Variants in NFIC observed in about 807,000 individuals in gnomAD.
NFIC encodes nuclear factor I C, also known as nuclear factor 1 C-type.
NFIC carries 12 observed loss-of-function variants against 54.4 expected under a neutral mutation model. The ratio of observed to expected loss-of-function variants is 0.22; its 90% CI spans 0.14 to 0.36. NFIC has a LOEUF of 0.36. Among genes scored for constraint, NFIC ranks in the 10% least tolerant of loss-of-function variants. NFIC has a pLI of 1.00. For missense variants in NFIC, 575 were observed against 718.2 expected (o/e 0.80, Z 2.28); for synonymous variants, 322 against 319.2 (o/e 1.01, Z -0.09).
chr19:3,419,209 A>G (rs574532809), intron 2 of NFIC, among the ~76,000 whole-genome samples: 16 of 152,276 alleles, frequency 1.1e-4, no homozygotes, highest in South Asian at 2.1e-4. Flanking sequence ...CTGTGCATGG[A>G]AAGTTGGTTC....
chr19:3,446,632 CG>C (rs2082377630), intron 6 of NFIC, among the ~76,000 whole-genome samples: 1 of 152,198 alleles, frequency 6.6e-6, no homozygotes. Flanking sequence ...TCTAAAAATT[CG>C]GCTCCCCAGG....
At chr19:3,397,905 G>C (rs1421648103) in intron 2 of NFIC, among the ~76,000 whole-genome samples, 1 of 152,220 alleles carries the variant, frequency 6.6e-6, no homozygotes, top group Non-Finnish European at 1.5e-5. Context: ...GTGGCTTGGG[G>C]GAGGCCTGTC....
At chr19:3,404,136 C>T (rs1257248822) in intron 2 of NFIC, among the ~76,000 whole-genome samples, 5 of 152,036 alleles carry the variant, frequency 3.3e-5, no homozygotes, top group Admixed American at 2.6e-4. Context: ...GCCTGCCCTT[C>T]TCCCCCCCCC....
chr19:3,416,363 A>G (rs2081854576), intron 2 of NFIC, among the ~76,000 whole-genome samples: 1 of 149,830 alleles, frequency 6.7e-6, no homozygotes, highest in African/African-American at 2.4e-5. Context: ...TATATGTCAT[A>G]TAGATAGGTA....
At chr19:3,411,673 C>G (rs920670908) in intron 2 of NFIC, among the ~76,000 whole-genome samples, 6 of 152,094 alleles carry the variant, frequency 3.9e-5, no homozygotes, top group Admixed American at 3.9e-4. Context: ...GAAAACTCCT[C>G]AGTGATGCTG....
chr19:3,415,062 A>C (rs2081831191), intron 2 of NFIC, among the ~76,000 whole-genome samples: 1 of 151,924 alleles, frequency 6.6e-6, no homozygotes, highest in African/African-American at 2.4e-5. Flanking sequence ...CTGGTCTGGA[A>C]ATGCTGATCT....
intron 1 of NFIC, among the ~76,000 whole-genome samples, chr19:3,379,056 T>TTTTTTTG (rs1421136135): frequency 2.0e-5 from 3 of 152,080 alleles, no homozygotes; most frequent in Non-Finnish European, 4.4e-5. Flanking sequence ...TCATTTTTTG[T>TTTTTTTG]TTTTTTGTTT....
At chr19:3,424,682 C>T (rs979367757) in intron 2 of NFIC, among the ~76,000 whole-genome samples, 1 of 152,206 alleles carries the variant, frequency 6.6e-6, no homozygotes, top group African/African-American at 2.4e-5. Flanking sequence ...CGTGCCCGGC[C>T]TGAACTTCAT....
upstream of NFIC, among the ~76,000 whole-genome samples, chr19:3,363,843 G>C (rs999007155): frequency 5.9e-5 from 9 of 152,218 alleles, no homozygotes; most frequent in Non-Finnish European, 1.3e-4. Context: ...GCACCCTGCA[G>C]GGCCCAGGAC....
chr19:3,377,764 A>G (rs1274002800), intron 1 of NFIC, among the ~76,000 whole-genome samples: 2 of 152,016 alleles, frequency 1.3e-5, no homozygotes, highest in Non-Finnish European at 2.9e-5. Flanking sequence ...GGTGTGCGCC[A>G]CAGCAACTAT....
rs536886684 is a variant in NFIC at position 3,394,238 on chromosome 19, G to A, written c.562+11995G>A. On this transcript the variant is annotated intron_variant, in intron 2 of 10. Transcript: ENST00000443272. ...TCACGCCTGGAATCCCAGCCCTTTGGGAGGCTGAGGTGGGAGGATCACTTG... is the reference window on the plus strand; with the variant it reads ...TCACGCCTGGAATCCCAGCCCTTTGAGAGGCTGAGGTGGGAGGATCACTTG... 2.6e-5 allele frequency among the ~76,000 whole-genome samples: 4 copies of A among 152,170 alleles called. No homozygotes were observed. In the East Asian group the frequency reaches 7.8e-4, roughly 30 times the overall value.
chr19:3,451,632 TAA>T (rs542068323), intron 7 of NFIC, among the ~76,000 whole-genome samples: 32 of 131,438 alleles, frequency 2.4e-4, no homozygotes, highest in African/African-American at 4.2e-4. Flanking sequence ...TTCTATCTCT[TAA>T]AAAAAAAAAA....
rs568015566 is a variant in NFIC at position 3,375,750 on chromosome 19, C to T, written c.31-5962C>T. On this transcript the variant is annotated intron_variant, in intron 1 of 10. Coordinates refer to ENST00000443272, the MANE Select transcript of NFIC (RefSeq NM_001245002.2). The surrounding 1 kb of genome is among the most constrained non-coding windows in gnomAD (Gnocchi z 4.6). ...AAATCTGATGTCCTGCCCCTCCCCC[C>T]GAAGCACCCCACGGCCGGAGGTGGC... is the stretch of plus-strand genomic sequence containing the variant. 7.2e-5 allele frequency among the ~76,000 whole-genome samples: 11 copies of T among 152,286 alleles called. No homozygotes were observed. Among genetic ancestry groups the T allele is most frequent in the African/African-American group, 1.4e-4 (6 of 41,550 alleles).
intron 1 of NFIC, among the ~76,000 whole-genome samples, chr19:3,379,673 C>CTT (rs370082450): frequency 0.034 from 3,505 of 102,140 alleles, 296 homozygotes; most frequent in African/African-American, 0.11. Flanking sequence ...TTATTTCTTT[C>CTT]TTTTTTTTTT....
chr19:3,463,614 G>GGCCCCCCC lies in NFIC; in HGVS notation c.*845_*846insGCCCCCCC. 3 of 959,074 alleles carry GGCCCCCCC rather than the reference G, an allele frequency of 3.1e-6. No homozygotes were observed. Among genetic ancestry groups the GGCCCCCCC allele is most frequent in the Non-Finnish European group, 3.7e-6 (3 of 807,816 alleles). 59.4% of individuals were successfully genotyped at this position (959,074 alleles called of 1,614,324 possible). A position where few individuals can be genotyped will look rare whatever the true frequency, so the allele number is the denominator to read the frequency against. On this transcript the variant is annotated 3_prime_UTR_variant, in exon 11 of 11. Transcript: ENST00000443272. ...GGGAGGAGAAGTCTCTATGCAATTG[G>GGCCCCCCC]CCCCGGCCCCTCCACCCCCCACCCC...
At chr19:3,378,042 C>G (rs1258223744) in intron 1 of NFIC, among the ~76,000 whole-genome samples, 1 of 151,774 alleles carries the variant, frequency 6.6e-6, no homozygotes, top group Non-Finnish European at 1.5e-5. Context: ...GTCAGGAGTT[C>G]AAGACCAGCC....
intron 7 of NFIC, among the ~76,000 whole-genome samples, chr19:3,449,385 CTT>C (rs1399056399): frequency 1.3e-5 from 2 of 152,118 alleles, no homozygotes; most frequent in Non-Finnish European, 2.9e-5. Context: ...TGCAACCTAA[CTT>C]CACCTCACTC....
intron 4 of NFIC, 107 bp downstream of exon 4, chr19:3,433,699 CCCT>C (rs756382116): frequency 3.3e-5 from 41 of 1,231,182 alleles, no homozygotes; most frequent in Non-Finnish European, 4.5e-5. Context: ...CCAGACAACC[CCCT>C]GTGTCACTAA....
Position 3,459,405 on chromosome 19 carries a change from G to T in NFIC, c.1509+2770G>T, listed in dbSNP as rs748841882. 6.6e-6 allele frequency among the ~76,000 whole-genome samples: 1 copy of T among 151,972 alleles called. No homozygotes were observed. Among genetic ancestry groups the T allele is most frequent in the African/African-American group, 2.4e-5 (1 of 41,378 alleles). On this transcript the variant is annotated intron_variant, in intron 10 of 10. Coordinates refer to ENST00000443272, the MANE Select transcript of NFIC (RefSeq NM_001245002.2). The surrounding 1 kb of genome is among the most constrained non-coding windows in gnomAD (Gnocchi z 4.2). ...CCCTCCCCTCTGTGATGTCCTTCAC[G>T]CCCCTACATTTCTCCTGCACGGGAA...
Sources: allele counts gnomAD v4.1 joint callset (sites outside exome capture counted in the v4.1 genomes callset), GRCh38; gene constraint gnomAD v4.1.1; non-coding constraint Gnocchi (gnomAD v3.1); transcripts MANE v1.5; gene names NCBI Gene and HGNC (gene_info 2026-07-23, HGNC 2026-07-21).